FRMD4A: variants seen among roughly 807,000 people sequenced by gnomAD.
FRMD4A encodes the protein FERM domain-containing protein 4A.
A neutral mutation model predicts 129.1 loss-of-function variants in FRMD4A; 29 were observed. The observed-to-expected ratio is 0.22, with a 90% confidence interval of 0.17 to 0.31. The LOEUF (loss-of-function observed/expected upper bound fraction) is 0.31, where lower values mean the gene tolerates loss of function less well. FRMD4A is among the 10% of genes least tolerant of loss of function. FRMD4A has a pLI of 1.00. For synonymous variants in FRMD4A, 634 were observed against 571.6 expected, an observed-to-expected ratio of 1.11 and a Z score of -1.56; for missense variants, 1,272 against 1,375.8, an observed-to-expected ratio of 0.92 and a Z score of 1.19.
intron 2 of FRMD4A, among the ~76,000 whole-genome samples, chr10:14,004,101 G>T (rs11258791): frequency 6.6e-6 from 1 of 152,170 alleles, no homozygotes; most frequent in Non-Finnish European, 1.5e-5. Context: ...TGTTTTCCAC[G>T]TGTCTTACAT....
intron 2 of FRMD4A, among the ~76,000 whole-genome samples, chr10:14,073,414 C>G (rs1432171166): frequency 1.3e-5 from 2 of 152,100 alleles, no homozygotes; most frequent in Non-Finnish European, 2.9e-5. Context: ...TGTCCCATTC[C>G]TTGAGTTCCT....
intron 2 of FRMD4A, among the ~76,000 whole-genome samples, chr10:14,161,045 C>T (rs2131869219): frequency 6.6e-6 from 1 of 152,222 alleles, no homozygotes; most frequent in East Asian, 1.9e-4. Context: ...ACCTCTGCCT[C>T]CCGGGTTCAA....
At chr10:14,140,266 T>C (rs1839768855) in intron 2 of FRMD4A, among the ~76,000 whole-genome samples, 2 of 152,176 alleles carry the variant, frequency 1.3e-5, no homozygotes, top group South Asian at 4.1e-4. Flanking sequence ...TTTCACCATG[T>C]TGACCAGGCT....
intron 2 of FRMD4A, among the ~76,000 whole-genome samples, chr10:13,884,144 T>TCACCCACACACACACACACACACA (rs773933481): frequency 9.5e-6 from 1 of 105,098 alleles, no homozygotes; most frequent in Non-Finnish European, 1.9e-5. Context: ...TCACACACAC[T>TCACCCACACACACACACACACACA]CTCACACACT....
At chr10:14,319,130 C>A (rs1846868838) in intron 2 of FRMD4A, among the ~76,000 whole-genome samples, 1 of 152,140 alleles carries the variant, frequency 6.6e-6, no homozygotes, top group African/African-American at 2.4e-5. Flanking sequence ...GAAGACTTAT[C>A]TCCAGAAGAT....
chr10:14,081,824 C>A (rs80141285), intron 2 of FRMD4A, among the ~76,000 whole-genome samples: 3,150 of 152,268 alleles, frequency 0.021, 96 homozygotes, highest in African/African-American at 0.07. Flanking sequence ...ATTCAGACAT[C>A]CAATGCAGGT....
chr10:14,105,324 G>A (rs546819416), intron 2 of FRMD4A, among the ~76,000 whole-genome samples: 4 of 152,246 alleles, frequency 2.6e-5, no homozygotes, highest in African/African-American at 9.6e-5. Context: ...CCAGCACTTT[G>A]GGTGGCCAAG....
intron 2 of FRMD4A, among the ~76,000 whole-genome samples, chr10:13,934,648 G>A (rs1481725544): frequency 6.6e-6 from 1 of 152,048 alleles, no homozygotes; most frequent in African/African-American, 2.4e-5. Context: ...TGGTCCTTTT[G>A]CTCTCGATCT....
rs186232795 is a variant in FRMD4A at position 14,211,621 on chromosome 10, T to A, written c.45+118437A>T. On this transcript the variant is annotated intron_variant, in intron 2 of 24. Transcript: ENST00000357447. ...ATCTTTAGGGTCAAAGATTGTATTC[T>A]ACTTATCTTGGGTCCTCCTCCAGCT... is the stretch of plus-strand genomic sequence containing the variant. Among the ~76,000 whole-genome samples, 143 of 152,344 alleles carry A rather than the reference T, an allele frequency of 9.4e-4. 1 individual carries two copies. The highest frequency in any genetic ancestry group is 2.8e-3 in the African/African-American group (115 of 41,580).
intron 2 of FRMD4A, among the ~76,000 whole-genome samples, chr10:13,893,523 A>AT (rs532064640): frequency 0.024 from 3,632 of 151,198 alleles, 76 homozygotes; most frequent in East Asian, 0.063. Flanking sequence ...GACCTACAAC[A>AT]TTTTTTTTTC....
At chr10:14,091,220 A>G (rs1176353666) in intron 2 of FRMD4A, among the ~76,000 whole-genome samples, 2 of 152,110 alleles carry the variant, frequency 1.3e-5, no homozygotes, top group African/African-American at 4.8e-5. Context: ...GCACAATAAA[A>G]AGCAATCAGA....
intron 3 of FRMD4A, among the ~76,000 whole-genome samples, chr10:13,855,988 T>C (rs186823096): frequency 3.3e-5 from 5 of 150,474 alleles, no homozygotes; most frequent in African/African-American, 1.2e-4. Flanking sequence ...AATATATATA[T>C]GTATTTAGCT....
At chr10:13,889,716 C>A (rs7358065) in intron 2 of FRMD4A, among the ~76,000 whole-genome samples, 1 of 152,164 alleles carries the variant, frequency 6.6e-6, no homozygotes, top group Non-Finnish European at 1.5e-5. Context: ...TTTTCTGATC[C>A]TTATTCCTAC....
intron 8 of FRMD4A, among the ~76,000 whole-genome samples, chr10:13,755,338 G>T (rs374325873): frequency 1.3e-5 from 2 of 152,062 alleles, no homozygotes; most frequent in African/African-American, 4.8e-5. Flanking sequence ...TTCACACATG[G>T]CTCTTTATAA....
intron 2 of FRMD4A, among the ~76,000 whole-genome samples, chr10:14,135,617 A>G (rs1420645987): frequency 6.6e-6 from 1 of 152,214 alleles, no homozygotes; most frequent in African/African-American, 2.4e-5. Context: ...TTCACAGATG[A>G]ACTCTCACAA....
intron 2 of FRMD4A, among the ~76,000 whole-genome samples, chr10:14,180,289 T>G (rs1841870481): frequency 6.6e-6 from 1 of 152,196 alleles, no homozygotes; most frequent in Admixed American, 6.5e-5. Flanking sequence ...TTGAGAGCAT[T>G]AAGTATGGTA....
chr10:14,165,840 C>G (rs1003542576), intron 2 of FRMD4A, among the ~76,000 whole-genome samples: 1 of 152,098 alleles, frequency 6.6e-6, no homozygotes, highest in African/African-American at 2.4e-5. Flanking sequence ...ACAGTAGACA[C>G]TGGGGACTCC....
At chr10:13,894,331 T>G (rs2094733806) in intron 2 of FRMD4A, among the ~76,000 whole-genome samples, 1 of 152,246 alleles carries the variant, frequency 6.6e-6, no homozygotes, top group African/African-American at 2.4e-5. Flanking sequence ...AGGGCTTCCC[T>G]GGCTTTGGGG....
chr10:13,933,056 G>C (rs898844689), intron 2 of FRMD4A, among the ~76,000 whole-genome samples: 2 of 152,098 alleles, frequency 1.3e-5, no homozygotes, highest in African/African-American at 4.8e-5. Context: ...AGCTGCTCGG[G>C]AGACTGAGGC....
Sources: allele counts gnomAD v4.1 joint callset (sites outside exome capture counted in the v4.1 genomes callset), GRCh38; gene constraint gnomAD v4.1.1; transcripts MANE v1.5; gene names NCBI Gene and HGNC (gene_info 2026-07-23, HGNC 2026-07-21).